C8B: variants seen among roughly 807,000 people sequenced by gnomAD.
C8B encodes the protein complement C8 beta chain, also known as complement component C8 beta chain.
C8B carries 67 observed loss-of-function variants against 64.6 expected under a neutral mutation model. The observed-to-expected ratio is 1.04, with a 90% CI of 0.85 to 1.27. C8B has a LOEUF of 1.27. Among genes scored for constraint, C8B ranks in the 50% most tolerant of loss-of-function variants. The probability of loss-of-function intolerance (pLI) is 0.00; values close to 1 mark genes in which losing one functional copy is unlikely to be tolerated. For synonymous variants in C8B, 284 were observed against 257.7 expected (o/e 1.10, Z -0.98); for missense variants, 790 against 725.2 (o/e 1.09, Z -1.03).
At chr1:56,940,026 G>A (rs1298021890) in intron 9 of C8B, among the ~76,000 whole-genome samples, 2 of 152,202 alleles carry the variant, frequency 1.3e-5, no homozygotes, top group Non-Finnish European at 2.9e-5. Flanking sequence ...GTGTGTGTGT[G>A]TGTGTGTATC....
At chr1:56,950,136 G>A (rs1416764161) in intron 5 of C8B, among the ~76,000 whole-genome samples, 1 of 152,214 alleles carries the variant, frequency 6.6e-6, no homozygotes, top group East Asian at 1.9e-4. Flanking sequence ...AGAAAAAGGG[G>A]ATGTTGTGAG....
chr1:56,952,214 A>T, intron 4 of C8B, 34 bp from the exon 5 acceptor site: 1 of 1,612,874 alleles, frequency 6.2e-7, no homozygotes, highest in Non-Finnish European at 8.5e-7. Context: ...CGAAGAGGTT[A>T]AAGTTTGCGG....
chr1:56,929,575 CAAT>C lies in C8B; in HGVS notation c.1622-20_1622-18del. 6.2e-7 allele frequency: 1 copy of C among 1,611,114 alleles called. No homozygotes were observed. The highest frequency in any genetic ancestry group is 8.5e-7 in the Non-Finnish European group (1 of 1,177,432). ...TGGGGGTATCTATAAGAAAGAAGGT[CAAT>C]AAGCATCAATCAGCACTTCTTATAT... On this transcript the variant is annotated intron_variant, in intron 11 of 11. Transcript: ENST00000371237.
At chr1:56,956,393 C>T (rs931066068) in intron 3 of C8B, among the ~76,000 whole-genome samples, 12 of 152,148 alleles carry the variant, frequency 7.9e-5, no homozygotes, top group Non-Finnish European at 1.5e-4. Context: ...CTGCTAGTCA[C>T]AAAGTCAAAA....
At position 56,939,232 on chromosome 1, in the gene C8B, T is replaced by A. The variant is rs74925866; in HGVS notation, c.1398+1617A>T. 2.0e-5 allele frequency among the ~76,000 whole-genome samples: 3 copies of A among 152,228 alleles called. No individual in the cohort carries two copies. In the East Asian group the frequency reaches 5.8e-4, roughly 29 times the overall value. ...AACTCTGTTCTCTCCCATGACCAGC[T>A]GTGATGCCAACCAATGTCACCATGG... On this transcript the variant is annotated intron_variant, in intron 9 of 11. Coordinates refer to ENST00000371237, the MANE Select transcript of C8B (RefSeq NM_000066.4).
chr1:56,965,386 A>C (rs1179843255), intron 1 of C8B, among the ~76,000 whole-genome samples: 6 of 103,982 alleles, frequency 5.8e-5, no homozygotes, highest in Non-Finnish European at 1.0e-4. Context: ...GGTGAGAGAG[A>C]GAGAGAGAGA....
chr1:56,964,530 CA>C (rs1388987631), intron 1 of C8B, among the ~76,000 whole-genome samples: 2 of 152,210 alleles, frequency 1.3e-5, no homozygotes, highest in African/African-American at 2.4e-5. Flanking sequence ...CTACCTGGCA[CA>C]CCTTTCAACC....
chr1:56,951,860 C>T (rs1570395805), intron 5 of C8B, among the ~76,000 whole-genome samples, 188 bp downstream of exon 5: 1 of 152,190 alleles, frequency 6.6e-6, no homozygotes, highest in Non-Finnish European at 1.5e-5. Context: ...CTACAACCGC[C>T]CTCCTGTTGC....
chr1:56,965,797 T>C, intron 1 of C8B, 60 bp downstream of exon 1: 1 of 1,580,948 alleles, frequency 6.3e-7, no homozygotes, highest in East Asian at 2.2e-5. Flanking sequence ...GTCAGCATCA[T>C]GTGGCTGCAC....
intron 6 of C8B, among the ~76,000 whole-genome samples, chr1:56,946,948 G>A (rs1055702484): frequency 2.0e-5 from 3 of 152,062 alleles, no homozygotes; most frequent in African/African-American, 7.2e-5. Flanking sequence ...GCTTGCTCTC[G>A]CCCCATTCTA....
chr1:56,963,735 T>A (rs1028955145), intron 1 of C8B: 7 of 400,798 alleles, frequency 1.7e-5, no homozygotes, highest in African/African-American at 1.5e-4. Context: ...ATGTTTTCTG[T>A]TTCCCTCTCT....
chr1:56,943,771 C>T lies in C8B; in HGVS notation c.1159G>A (p.Gly387Ser), dbSNP rs568669596. Reference sequence around the variant, plus strand: ...CTGACGTAGACCTCTTCAATGGCACCACCAATTTTAAAATCATTTTTGGCA... The same window carrying T: ...CTGACGTAGACCTCTTCAATGGCACTACCAATTTTAAAATCATTTTTGGCA... ...ACAKNDFKIGGAIEEVYVSLG... is the reference protein window; with the variant it reads ...ACAKNDFKIGSAIEEVYVSLG... The change falls in exon 8 of 12, where the codon GGT (glycine) becomes AGT (serine). Residue 387 changes from glycine to serine, a missense_variant. By Grantham distance (56) the Gly-to-Ser change is moderately conservative. Coordinates refer to ENST00000371237, the MANE Select transcript of C8B (RefSeq NM_000066.4). 3.1e-6 allele frequency: 5 copies of T among 1,614,076 alleles called. No homozygotes were observed. Among genetic ancestry groups the T allele is most frequent in the South Asian group, 1.1e-5 (1 of 91,076 alleles).
At chr1:56,940,316 C>T (rs994691952) in intron 9 of C8B, among the ~76,000 whole-genome samples, 2 of 151,516 alleles carry the variant, frequency 1.3e-5, no homozygotes, top group East Asian at 3.9e-4. Flanking sequence ...ACCTATAATC[C>T]CAGCACTTTG....
intron 9 of C8B, among the ~76,000 whole-genome samples, chr1:56,939,042 C>T (rs1383634959): frequency 6.6e-6 from 1 of 152,180 alleles, no homozygotes; most frequent in African/African-American, 2.4e-5. Flanking sequence ...TGACACATCC[C>T]ACATCACATC....
chr1:56,958,576 A>G (rs886098664), intron 2 of C8B, among the ~76,000 whole-genome samples: 4 of 151,666 alleles, frequency 2.6e-5, no homozygotes, highest in Admixed American at 6.6e-5. Context: ...GAAATATATC[A>G]CCCAATCTGA....
At chr1:56,955,607 A>T (rs1570400918) in intron 3 of C8B, among the ~76,000 whole-genome samples, 1 of 152,204 alleles carries the variant, frequency 6.6e-6, no homozygotes, top group South Asian at 2.1e-4. Context: ...CTGGCCTTCA[A>T]ATGTTTCTTA....
At chr1:56,944,700 T>C (rs546311530) in intron 7 of C8B, among the ~76,000 whole-genome samples, 270 of 152,318 alleles carry the variant, frequency 1.8e-3, no homozygotes, top group Non-Finnish European at 3.3e-3. Context: ...CCCTTTTATG[T>C]TTGAGGAACA....
chr1:56,936,514 AT>A (rs11310458), intron 9 of C8B, among the ~76,000 whole-genome samples: 41,440 of 101,940 alleles, frequency 0.41, 5,910 homozygotes, highest in East Asian at 0.55. Flanking sequence ...TTTGTGGTAA[AT>A]TTTTTTTTTT....
intron 2 of C8B, 83 bp downstream of exon 2, chr1:56,959,937 G>A (rs901375471): frequency 1.0e-5 from 15 of 1,448,058 alleles, no homozygotes; most frequent in Non-Finnish European, 1.5e-5. Context: ...TATGTGCCAG[G>A]CACTGTTAGC....
Sources: allele counts gnomAD v4.1 joint callset (sites outside exome capture counted in the v4.1 genomes callset), GRCh38; gene constraint gnomAD v4.1.1; transcripts MANE v1.5; gene names NCBI Gene and HGNC (gene_info 2026-07-23, HGNC 2026-07-21).